Variants in DNAH10 observed in about 807,000 individuals in gnomAD.
DNAH10 encodes dynein axonemal heavy chain 10.
In DNAH10, 348 loss-of-function variants were observed where a neutral mutation model predicts 506.6. That is an observed-to-expected ratio of 0.69 (90% CI 0.63 to 0.75). The LOEUF (loss-of-function observed/expected upper bound fraction) is 0.75, where lower values mean the gene tolerates loss of function less well. Ranked by LOEUF, DNAH10 falls within the 30% of genes least tolerant of loss-of-function variation. DNAH10 has a pLI of 0.00. For synonymous variants in DNAH10, 2,059 were observed against 2,198.6 expected, an observed-to-expected ratio of 0.94 and a Z score of 1.78; for missense variants, 5,179 against 5,787.1, an observed-to-expected ratio of 0.89 and a Z score of 3.41.
rs1431218658 is a variant in DNAH10, at chr12:123,867,523, T to A, written c.7224T>A (p.Asp2408Glu). Residue 2408 changes from aspartate to glutamate, a missense_variant, in exon 42 of 79, where the codon GAT (aspartate) becomes GAA (glutamate). Transcript: ENST00000673944. Reference protein sequence around the residue: ...LFEKYVPYLMDVIVEGIVDGR... With the variant: ...LFEKYVPYLMEVIVEGIVDGR... ...AGAAGTATGTGCCCTATCTCATGGATGTGATAGTGGAAGGAATTGTGGATG... is the reference window on the plus strand; with the variant it reads ...AGAAGTATGTGCCCTATCTCATGGAAGTGATAGTGGAAGGAATTGTGGATG... 6.2e-7 allele frequency: 1 copy of A among 1,613,926 alleles called. No homozygotes were observed. Among genetic ancestry groups the A allele is most frequent in the Admixed American group, 1.7e-5 (1 of 60,018 alleles).
chr12:123,894,633 T>C lies in DNAH10; in HGVS notation c.9200-10T>C. Reference sequence around the variant, plus strand: ...TGGGAGCATCTTTTTAATCTCTCTTTCCTTTCAAGGTATGGTAAATAACAC... The same window carrying C: ...TGGGAGCATCTTTTTAATCTCTCTTCCCTTTCAAGGTATGGTAAATAACAC... On this transcript the variant is annotated splice_polypyrimidine_tract_variant and intron_variant, in intron 53 of 78. Coordinates refer to ENST00000673944, the MANE Select transcript of DNAH10 (RefSeq NM_001372106.1). 1 of 1,613,418 alleles carries C rather than the reference T, an allele frequency of 6.2e-7. No individual in the cohort carries two copies. The highest frequency in any genetic ancestry group is 8.5e-7 in the Non-Finnish European group (1 of 1,179,396).
Position 123,845,643 on chromosome 12 carries a change from G to T in DNAH10, c.5404G>T (p.Ala1802Ser), listed in dbSNP as rs1345042500. The change falls in exon 31 of 79, where the codon GCT becomes TCT. Residue 1802 changes from alanine (A) to serine (S), a missense_variant. Ala to Ser is a moderately conservative substitution (Grantham distance 99). Coordinates refer to ENST00000673944, the MANE Select transcript of DNAH10 (RefSeq NM_001372106.1). ...GTACCAGGGCATGGTGGTGCTGGCC[G>T]CTAGCCAGGTGTGGTGGACCTGGGA... ...LLYQGMVVLA[A>S]SQVWWTWEVE... 1 of 1,613,504 alleles carries T rather than the reference G, an allele frequency of 6.2e-7. No individual in the cohort carries two copies. Among genetic ancestry groups the T allele is most frequent in the East Asian group, 2.2e-5 (1 of 44,872 alleles).
chr12:123,827,201 G>A (rs1024559412), intron 25 of DNAH10, among the ~76,000 whole-genome samples: 1 of 152,144 alleles, frequency 6.6e-6, no homozygotes, highest in East Asian at 1.9e-4. Context: ...GCCCCATCCA[G>A]CAGACATCAA....
At chr12:123,843,859 T>A (rs571022586) in intron 30 of DNAH10, among the ~76,000 whole-genome samples, 1 of 152,246 alleles carries the variant, frequency 6.6e-6, no homozygotes, top group Admixed American at 6.5e-5. Flanking sequence ...ATTACAGGCG[T>A]GAGCCAAAGC....
chr12:123,839,194 A>G (rs1368878830), intron 29 of DNAH10, among the ~76,000 whole-genome samples: 1 of 151,598 alleles, frequency 6.6e-6, no homozygotes, highest in Admixed American at 6.6e-5. Context: ...TCCACAGTCC[A>G]AAACCTTTCT....
chr12:123,818,910 T>A (rs1273375923), intron 21 of DNAH10, 40 bp from the exon 22 acceptor site: 1 of 1,376,896 alleles, frequency 7.3e-7, no homozygotes, highest in Non-Finnish European at 1.0e-6. Flanking sequence ...AAATTGCTCA[T>A]CATTTGTTGT....
At chr12:123,821,851 T>C (rs1485033918) in intron 24 of DNAH10, among the ~76,000 whole-genome samples, 1 of 152,014 alleles carries the variant, frequency 6.6e-6, no homozygotes, top group Non-Finnish European at 1.5e-5. Context: ...GGCAGATTAC[T>C]TGAGGCCAGG....
At chr12:123,827,294 A>G (rs1960090510) in intron 25 of DNAH10, among the ~76,000 whole-genome samples, 1 of 152,258 alleles carries the variant, frequency 6.6e-6, no homozygotes. Context: ...TTAATAGTAT[A>G]TTTTAATTAA....
intron 19 of DNAH10, among the ~76,000 whole-genome samples, chr12:123,809,680 T>A (rs1276323232): frequency 2.5e-5 from 3 of 117,694 alleles, no homozygotes; most frequent in African/African-American, 9.6e-5. Flanking sequence ...AACAACAACA[T>A]ATCATTTCGT....
chr12:123,885,883 C>T (rs1186048324), intron 51 of DNAH10, among the ~76,000 whole-genome samples: 1 of 152,122 alleles, frequency 6.6e-6, no homozygotes, highest in Non-Finnish European at 1.5e-5. Context: ...TACCTTTTCT[C>T]TTTTGTGTAT....
chr12:123,912,989 G>C (rs1437306573), intron 59 of DNAH10, 109 bp from the exon 60 acceptor site: 8 of 1,050,694 alleles, frequency 7.6e-6, no homozygotes, highest in Non-Finnish European at 1.1e-5. Context: ...GCTCTGAAAA[G>C]CACAGACACC....
At chr12:123,821,179 G>A (rs548071491) in intron 24 of DNAH10, among the ~76,000 whole-genome samples, 2 of 152,110 alleles carry the variant, frequency 1.3e-5, no homozygotes, top group Non-Finnish European at 2.9e-5. Flanking sequence ...GAACCTGGGA[G>A]GTGGAGGTTG....
At position 123,925,638 on chromosome 12, in the gene DNAH10, T is replaced by C. The variant is rs1345572483; in HGVS notation, c.11921+434T>C. 2 of 168,262 alleles carry C rather than the reference T, an allele frequency of 1.2e-5. No homozygotes were observed. The highest frequency in any genetic ancestry group is 4.8e-5 in the African/African-American group (2 of 41,654). The allele number at this position is 168,262 out of a possible 1,614,324, so 10.4% of individuals were successfully genotyped here. A position where few individuals can be genotyped will look rare whatever the true frequency, so the allele number is the denominator to read the frequency against. ...TTGGGGCTAGCCACATTTTAAGTGC[T>C]GTGCCTCACGGCCATCGCACTGGAC... On this transcript the variant is annotated intron_variant, in intron 68 of 78. Transcript: ENST00000673944. The surrounding 1 kb of genome is among the most constrained non-coding windows in gnomAD (Gnocchi z 4.0).
intron 26 of DNAH10, among the ~76,000 whole-genome samples, chr12:123,832,164 A>G (rs990781439): frequency 6.6e-6 from 1 of 152,210 alleles, no homozygotes; most frequent in African/African-American, 2.4e-5. Context: ...CACATAATGT[A>G]CATACAGTGT....
chr12:123,782,782 CTG>C (rs1323236420), intron 6 of DNAH10, among the ~76,000 whole-genome samples: 1 of 152,076 alleles, frequency 6.6e-6, no homozygotes, highest in African/African-American at 2.4e-5. Context: ...CTTTGACTGA[CTG>C]TTTCAGGCTG....
chr12:123,841,212 G>A (rs1216543666), intron 29 of DNAH10, 110 bp from the exon 30 acceptor site: 21 of 1,110,752 alleles, frequency 1.9e-5, no homozygotes, highest in Middle Eastern at 2.2e-4. Flanking sequence ...TCGGCTCACC[G>A]GTTGCCATTG....
Position 123,917,952 on chromosome 12 carries a change from T to C in DNAH10, c.11232+139T>C. On this transcript the variant is annotated intron_variant, in intron 64 of 78. Coordinates refer to ENST00000673944, the MANE Select transcript of DNAH10 (RefSeq NM_001372106.1). The surrounding 1 kb of genome is among the most constrained non-coding windows in gnomAD (Gnocchi z 5.6). ...AAAACCCACCTCTATTGGGATGTGC[T>C]GTGGGGAGGGGAGCCCTAAAGGTGT... is the stretch of plus-strand genomic sequence containing the variant. 2.2e-6 allele frequency: 2 copies of C among 922,186 alleles called. No homozygotes were observed. Among genetic ancestry groups the C allele is most frequent in the Non-Finnish European group, 3.2e-6 (2 of 616,326 alleles). The allele number at this position is 922,186 out of a possible 1,614,324, so 57.1% of individuals were successfully genotyped here.
chr12:123,898,629 A>G, intron 55 of DNAH10, 24 bp from the exon 56 acceptor site: 1 of 1,494,462 alleles, frequency 6.7e-7, no homozygotes. Context: ...CTCGACGATG[A>G]ACATAGGTGC....
chr12:123,848,050 C>T lies in DNAH10; in HGVS notation c.5904C>T (p.Gly1968=). ...ETTKDLAKAL[G]LLCVVTNCGE... ...CCAAGGACCTGGCGAAAGCCTTGGG[C>T]TTGCTCTGTGTTGTCACCAACTGTG... The change falls in exon 33 of 79, where the codon GGC becomes GGT. Residue 1968 remains glycine, a synonymous_variant. Transcript: ENST00000673944. 1 of 1,613,986 alleles carries T rather than the reference C, an allele frequency of 6.2e-7. No homozygotes were observed. The highest frequency in any genetic ancestry group is 8.5e-7 in the Non-Finnish European group (1 of 1,179,876).
Sources: gnomAD v4.1 joint callset for allele counts (sites outside exome capture counted in the v4.1 genomes callset) on GRCh38, gnomAD v4.1.1 for gene constraint, Gnocchi (gnomAD v3.1) non-coding constraint, MANE v1.5 for transcripts, NCBI Gene and HGNC (gene_info 2026-07-23, HGNC 2026-07-21) for gene names.